RALYL: variants seen among roughly 807,000 people sequenced by gnomAD.
RALYL encodes the protein RNA-binding Raly-like protein.
A neutral mutation model predicts 35.1 loss-of-function variants in RALYL; 29 were observed. The observed-to-expected ratio is 0.83, with a 90% confidence interval of 0.61 to 1.13. The LOEUF is 1.13. RALYL is among the 50% of genes most tolerant of loss of function. The pLI, the probability that RALYL is intolerant of heterozygous loss-of-function variation, is 0.00. For synonymous variants in RALYL, 120 were observed against 127.6 expected, an observed-to-expected ratio of 0.94 and a Z score of 0.40; for missense variants, 359 against 360.4, an observed-to-expected ratio of 1.00 and a Z score of 0.03.
At chr8:84,225,085 A>G (rs1363088838) in intron 1 of RALYL, among the ~76,000 whole-genome samples, 1 of 152,232 alleles carries the variant, frequency 6.6e-6, no homozygotes, top group African/African-American at 2.4e-5. Flanking sequence ...TGACATCACC[A>G]TCCATCCAGT....
At chr8:84,667,161 C>T (rs1832244411) in intron 2 of RALYL, among the ~76,000 whole-genome samples, 1 of 151,880 alleles carries the variant, frequency 6.6e-6, no homozygotes, top group African/African-American at 2.4e-5. Flanking sequence ...CTTATTTTGA[C>T]CTTCTGTTTA....
At chr8:84,273,982 C>T (rs777855871) in intron 1 of RALYL, among the ~76,000 whole-genome samples, 22 of 152,114 alleles carry the variant, frequency 1.4e-4, no homozygotes, top group African/African-American at 2.2e-4. Context: ...TTGTCCACTG[C>T]GTTCTTCTTT....
At chr8:84,206,840 A>G (rs1818172862) in intron 1 of RALYL, among the ~76,000 whole-genome samples, 2 of 152,168 alleles carry the variant, frequency 1.3e-5, no homozygotes. Context: ...TGAGGCAGAG[A>G]TTATCATGCA....
At chr8:84,836,719 T>C (rs1395846300) in intron 4 of RALYL, among the ~76,000 whole-genome samples, 2 of 152,236 alleles carry the variant, frequency 1.3e-5, no homozygotes, top group Non-Finnish European at 2.9e-5. Context: ...CAACATTTTA[T>C]GATGAATTAG....
chr8:84,617,762 G>T (rs369242550), intron 2 of RALYL, among the ~76,000 whole-genome samples: 1 of 150,646 alleles, frequency 6.6e-6, no homozygotes, highest in East Asian at 1.9e-4. Flanking sequence ...TTTGAAATAC[G>T]TCCCATCAAT....
rs187323735 is a variant in RALYL at position 84,639,173 on chromosome 8, A to T, written c.256+109596A>T. Among the ~76,000 whole-genome samples the T allele has an allele frequency of 5.4e-3, 823 of 151,714 alleles. 6 individuals carry two copies. Among genetic ancestry groups the T allele is most frequent in the African/African-American group, 0.018 (733 of 41,412 alleles). On this transcript the variant is annotated intron_variant, in intron 2 of 8. Transcript: ENST00000521268. ...CTTACTGGAATTAATATTTTATTTA[A>T]TTAAAGCTACAGTTGCTTGTGCAAT...
At chr8:84,218,139 T>G (rs1028412108) in intron 1 of RALYL, among the ~76,000 whole-genome samples, 1 of 152,100 alleles carries the variant, frequency 6.6e-6, no homozygotes, top group Non-Finnish European at 1.5e-5. Flanking sequence ...GTGGCAGCCA[T>G]TGTTGGCAAG....
chr8:84,875,101 A>G (rs576091038), intron 7 of RALYL, among the ~76,000 whole-genome samples: 1 of 152,104 alleles, frequency 6.6e-6, no homozygotes, highest in African/African-American at 2.4e-5. Context: ...TTTAATAAAA[A>G]AAATAGATTT....
rs78383691 is a variant in RALYL, at chr8:84,234,118, G to T, written c.-24+49694G>T. ...ATAAACATAAATATCATAAGGAAAAGCCAGATAACTCCAATAATTTTCAGT... is the reference window on the plus strand; with the variant it reads ...ATAAACATAAATATCATAAGGAAAATCCAGATAACTCCAATAATTTTCAGT... On this transcript the variant is annotated intron_variant, in intron 1 of 8. Transcript: ENST00000521268. 3.4e-3 allele frequency among the ~76,000 whole-genome samples: 510 copies of T among 152,196 alleles called. 5 individuals are homozygous for T. In the East Asian group the frequency reaches 0.035, roughly 10 times the overall value.
chr8:84,313,935 C>T (rs969863269), intron 1 of RALYL, among the ~76,000 whole-genome samples: 2 of 152,116 alleles, frequency 1.3e-5, no homozygotes, highest in African/African-American at 4.8e-5. Flanking sequence ...GGTACCAAGT[C>T]TCTGTATTAG....
At chr8:84,741,354 A>C (rs1005202780) in intron 2 of RALYL, among the ~76,000 whole-genome samples, 3 of 151,998 alleles carry the variant, frequency 2.0e-5, no homozygotes, top group Non-Finnish European at 4.4e-5. Context: ...CTTAGTTTGC[A>C]TGTGCTGCTG....
At chr8:84,218,802 A>C (rs1291717357) in intron 1 of RALYL, among the ~76,000 whole-genome samples, 1 of 152,104 alleles carries the variant, frequency 6.6e-6, no homozygotes, top group Non-Finnish European at 1.5e-5. Flanking sequence ...CCCTTTAAAA[A>C]ATTGTACGAT....
intron 1 of RALYL, among the ~76,000 whole-genome samples, chr8:84,505,803 G>A (rs1002539801): frequency 1.6e-4 from 25 of 152,162 alleles, no homozygotes; most frequent in African/African-American, 5.8e-4. Context: ...AGCTAGACGA[G>A]CAAGCATTAA....
intron 1 of RALYL, among the ~76,000 whole-genome samples, chr8:84,250,223 C>A (rs1340671223): frequency 6.6e-6 from 1 of 152,006 alleles, no homozygotes; most frequent in Non-Finnish European, 1.5e-5. Flanking sequence ...TTAAAAAAAT[C>A]TTTTTGAACT....
At chr8:84,842,442 C>A (rs1448493628) in intron 4 of RALYL, among the ~76,000 whole-genome samples, 5 of 152,142 alleles carry the variant, frequency 3.3e-5, no homozygotes, top group African/African-American at 4.8e-5. Context: ...TCTGAATAGA[C>A]CAATAACAGG....
At chr8:84,766,728 A>G (rs1814137215) in intron 2 of RALYL, among the ~76,000 whole-genome samples, 1 of 147,062 alleles carries the variant, frequency 6.8e-6, no homozygotes. Context: ...CTCAAAAAAA[A>G]AAAAAAAAAA....
At chr8:84,631,781 G>A (rs1393118000) in intron 2 of RALYL, among the ~76,000 whole-genome samples, 1 of 151,764 alleles carries the variant, frequency 6.6e-6, no homozygotes, top group African/African-American at 2.4e-5. Context: ...ATAATTGATG[G>A]CATTAGGACT....
At position 84,363,007 on chromosome 8, in the gene RALYL, A is replaced by G. The variant is rs573166610; in HGVS notation, c.-23-166292A>G. ...CAGAAACACACACACACACATACAC[A>G]CATGAACTTAAGGATCATGAAGAGG... On this transcript the variant is annotated intron_variant, in intron 1 of 8. Transcript: ENST00000521268. 5.9e-5 allele frequency among the ~76,000 whole-genome samples: 9 copies of G among 152,232 alleles called. No individual in the cohort carries two copies. The South Asian group carries it at 1.7e-3, about 28-fold the overall frequency.
At chr8:84,712,799 C>T (rs927637137) in intron 2 of RALYL, among the ~76,000 whole-genome samples, 16 of 147,580 alleles carry the variant, frequency 1.1e-4, no homozygotes, top group African/African-American at 3.7e-4. Context: ...AAGAATTATA[C>T]ATGTGAAACA....
Sources: gnomAD v4.1 joint callset for allele counts (sites outside exome capture counted in the v4.1 genomes callset) on GRCh38, gnomAD v4.1.1 for gene constraint, MANE v1.5 for transcripts, NCBI Gene and HGNC (gene_info 2026-07-23, HGNC 2026-07-21) for gene names.